ARMH3: variants seen among roughly 807,000 people sequenced by gnomAD.
The protein encoded by ARMH3 is armadillo like helical domain containing 3.
In ARMH3, 60 loss-of-function variants were observed where a neutral mutation model predicts 99.1. That is an observed-to-expected ratio of 0.61 (90% CI 0.49 to 0.75). The LOEUF is 0.75. Ranked by LOEUF, ARMH3 falls within the 30% of genes least tolerant of loss-of-function variation. The pLI, the probability that ARMH3 is intolerant of heterozygous loss-of-function variation, is 0.00. For missense variants in ARMH3, 679 were observed against 843.1 expected, an observed-to-expected ratio of 0.81 and a Z score of 2.41; for synonymous variants, 285 against 292.8, an observed-to-expected ratio of 0.97 and a Z score of 0.27.
rs183330799 is a variant in ARMH3 at position 101,983,903 on chromosome 10, C to T, written c.1406+6648G>A. 3.0e-3 allele frequency among the ~76,000 whole-genome samples: 462 copies of T among 152,260 alleles called. 1 individual carries two copies. The highest frequency in any genetic ancestry group is 4.9e-3 in the Non-Finnish European group (335 of 68,022). On this transcript the variant is annotated intron_variant, in intron 19 of 25. Coordinates refer to ENST00000370033, the MANE Select transcript of ARMH3 (RefSeq NM_024541.3). The stretch of plus-strand genomic sequence containing the variant: ...GGTTGTAGGAACCCCAATTTATAGC[C>T]GGTCCATCAGAAACACAGGCAAAAT...
chr10:101,993,662 T>C, intron 16 of ARMH3, 59 bp from the exon 17 acceptor site: 1 of 1,163,134 alleles, frequency 8.6e-7, no homozygotes, highest in Non-Finnish European at 1.3e-6. Flanking sequence ...AACTGTAATC[T>C]ATCACACTTC....
chr10:101,943,822 T>C (rs1205294394), intron 22 of ARMH3, among the ~76,000 whole-genome samples: 1 of 151,920 alleles, frequency 6.6e-6, no homozygotes, highest in African/African-American at 2.4e-5. Flanking sequence ...CCCAGCACTT[T>C]GGGAGGCCGA....
chr10:101,861,067 G>C (rs1407232981), intron 24 of ARMH3, among the ~76,000 whole-genome samples: 1 of 152,150 alleles, frequency 6.6e-6, no homozygotes, highest in Non-Finnish European at 1.5e-5. Context: ...TGAGGGAGAT[G>C]ATGAAGTTAG....
At chr10:101,850,424 T>C (rs77133636) in intron 24 of ARMH3, among the ~76,000 whole-genome samples, 11 of 143,894 alleles carry the variant, frequency 7.6e-5, no homozygotes, top group African/African-American at 1.5e-4. Context: ...CTCTCTCTCT[T>C]TTTTTTTTTT....
chr10:102,046,216 G>C (rs2067545463), intron 1 of ARMH3, among the ~76,000 whole-genome samples: 1 of 149,132 alleles, frequency 6.7e-6, no homozygotes, highest in Non-Finnish European at 1.5e-5. Context: ...CTATGATCCA[G>C]AAAGTTTACA....
At chr10:101,986,115 T>G (rs1846490266) in intron 19 of ARMH3, among the ~76,000 whole-genome samples, 1 of 152,112 alleles carries the variant, frequency 6.6e-6, no homozygotes, top group Admixed American at 6.6e-5. Flanking sequence ...TTAGTGCTTC[T>G]TGTGGGGCTT....
chr10:101,875,079 G>A (rs1044446875), intron 24 of ARMH3, among the ~76,000 whole-genome samples: 4 of 152,076 alleles, frequency 2.6e-5, no homozygotes, highest in African/African-American at 7.2e-5. Context: ...ATAAATCTGC[G>A]GAACATTAAG....
chr10:101,975,841 C>T (rs576624555), intron 19 of ARMH3, among the ~76,000 whole-genome samples: 2 of 143,494 alleles, frequency 1.4e-5, no homozygotes, highest in South Asian at 2.2e-4. Context: ...GCCTGGGCAA[C>T]AGAGCGAGAT....
At chr10:101,853,880 C>T (rs1247496578) in intron 24 of ARMH3, among the ~76,000 whole-genome samples, 4 of 152,110 alleles carry the variant, frequency 2.6e-5, no homozygotes, top group Non-Finnish European at 2.9e-5. Flanking sequence ...TTTGGGAGGT[C>T]GAGGCGGATG....
chr10:101,938,715 G>C (rs1051755861), intron 23 of ARMH3, among the ~76,000 whole-genome samples: 2 of 152,140 alleles, frequency 1.3e-5, no homozygotes, highest in Non-Finnish European at 2.9e-5. Context: ...ACAGAAAATC[G>C]CATTTATCGT....
rs2067323879 is a variant in ARMH3, at chr10:101,878,467, C to T, written c.1860+10945G>A. On this transcript the variant is annotated intron_variant, in intron 24 of 25. Transcript: ENST00000370033. ...CTAGCCTGGGCAACATAGTAAGACC[C>T]CATCTCTATCAAAAAAAAAAAAATA... Among the ~76,000 whole-genome samples the T allele has an allele frequency of 2.0e-5, 3 of 150,264 alleles. No individual in the cohort carries two copies. The South Asian group carries it at 6.3e-4, about 32-fold the overall frequency.
chr10:101,938,601 G>GAACCTGGT (rs1844097836), intron 23 of ARMH3, among the ~76,000 whole-genome samples: 1 of 152,202 alleles, frequency 6.6e-6, no homozygotes, highest in African/African-American at 2.4e-5. Context: ...CCCTAGCCCA[G>GAACCTGGT]AACCTGGTGA....
chr10:101,930,010 T>G (rs916571006), intron 23 of ARMH3, among the ~76,000 whole-genome samples: 5 of 152,206 alleles, frequency 3.3e-5, no homozygotes, highest in African/African-American at 1.2e-4. Flanking sequence ...ATCATGTTGG[T>G]ACTCAAAAAG....
chr10:101,895,410 G>A (rs928922416), intron 23 of ARMH3, among the ~76,000 whole-genome samples: 1 of 151,736 alleles, frequency 6.6e-6, no homozygotes. Flanking sequence ...CTCCCGAGTA[G>A]CTGGGACTAC....
At chr10:101,983,164 G>C (rs1193892084) in intron 19 of ARMH3, among the ~76,000 whole-genome samples, 2 of 152,250 alleles carry the variant, frequency 1.3e-5, no homozygotes, top group Non-Finnish European at 2.9e-5. Context: ...ATGAGGGTTG[G>C]TCACCAGGGA....
chr10:102,048,459 C>G (rs1454348949), intron 1 of ARMH3, among the ~76,000 whole-genome samples: 1 of 152,230 alleles, frequency 6.6e-6, no homozygotes, highest in Non-Finnish European at 1.5e-5. Flanking sequence ...CAGTGTCTCA[C>G]TGTGTCGCCC....
chr10:101,949,182 A>T (rs1388220268), intron 22 of ARMH3, among the ~76,000 whole-genome samples: 2 of 152,026 alleles, frequency 1.3e-5, no homozygotes, highest in Admixed American at 6.5e-5. Flanking sequence ...ACCCTAAAAA[A>T]CTAGCAAAAA....
At chr10:101,945,535 TG>T (rs1330017076) in intron 22 of ARMH3, among the ~76,000 whole-genome samples, 1 of 151,938 alleles carries the variant, frequency 6.6e-6, no homozygotes, top group Non-Finnish European at 1.5e-5. Flanking sequence ...CTGACCAACA[TG>T]GTGAAACCCC....
chr10:102,041,160 C>G (rs1003201864), intron 1 of ARMH3, among the ~76,000 whole-genome samples: 1 of 144,124 alleles, frequency 6.9e-6, no homozygotes. Flanking sequence ...TTTTTCAATT[C>G]TATATAAAAG....
Sources: gnomAD v4.1 joint callset for allele counts (sites outside exome capture counted in the v4.1 genomes callset) on GRCh38, gnomAD v4.1.1 for gene constraint, MANE v1.5 for transcripts, NCBI Gene and HGNC (gene_info 2026-07-23, HGNC 2026-07-21) for gene names.